Variants in TNKS observed in about 807,000 individuals in gnomAD.
The protein encoded by TNKS is tankyrase, also known as poly [ADP-ribose] polymerase tankyrase-1.
In TNKS, 72 loss-of-function variants were observed where a neutral mutation model predicts 135.8. That is an observed-to-expected ratio of 0.53 (90% CI 0.44 to 0.64). The LOEUF (loss-of-function observed/expected upper bound fraction) is 0.64, where lower values mean the gene tolerates loss of function less well. TNKS is among the 30% of genes least tolerant of loss of function. TNKS has a pLI of 0.00. For synonymous variants in TNKS, 849 were observed against 649.3 expected (o/e 1.31, Z -4.68); for missense variants, 1,769 against 1,674.0 (o/e 1.06, Z -0.99).
At chr8:9,611,168 G>T (rs977221139) in intron 2 of TNKS, among the ~76,000 whole-genome samples, 1 of 152,118 alleles carries the variant, frequency 6.6e-6, no homozygotes, top group Admixed American at 6.5e-5. Context: ...GTCTTACCTC[G>T]AAAGGAGATG....
intron 20 of TNKS, among the ~76,000 whole-genome samples, chr8:9,753,490 C>A (rs1370175620): frequency 6.6e-6 from 1 of 152,154 alleles, no homozygotes; most frequent in African/African-American, 2.4e-5. Flanking sequence ...ATGGAGTCAT[C>A]ATTAGGGCAT....
intron 2 of TNKS, among the ~76,000 whole-genome samples, chr8:9,599,211 G>T (rs951783656): frequency 6.6e-6 from 1 of 152,006 alleles, no homozygotes; most frequent in Non-Finnish European, 1.5e-5. Context: ...TGTTCCTAGG[G>T]CTATTATCAG....
intron 3 of TNKS, among the ~76,000 whole-genome samples, chr8:9,652,231 G>C (rs149682402): frequency 6.6e-6 from 1 of 152,138 alleles, no homozygotes; most frequent in Non-Finnish European, 1.5e-5. Flanking sequence ...TTGGAGTGAG[G>C]TTCTTCTCTG....
intron 2 of TNKS, among the ~76,000 whole-genome samples, chr8:9,600,471 G>C (rs982224736): frequency 6.6e-6 from 1 of 151,912 alleles, no homozygotes; most frequent in African/African-American, 2.4e-5. Context: ...ACACCATCAT[G>C]CTTAGCTAAT....
chr8:9,751,324 C>G (rs1225782939), intron 18 of TNKS, among the ~76,000 whole-genome samples: 1 of 152,068 alleles, frequency 6.6e-6, no homozygotes, highest in Non-Finnish European at 1.5e-5. Flanking sequence ...ATATAGTAAA[C>G]ACAGAAATTT....
intron 24 of TNKS, 27 bp downstream of exon 24, chr8:9,765,824 C>T (rs772143798): frequency 9.4e-6 from 15 of 1,590,092 alleles, no homozygotes; most frequent in Middle Eastern, 1.7e-4. Context: ...GGACGGTGGA[C>T]GTCTCCCTGG....
At chr8:9,744,787 C>G (rs1806151013) in intron 17 of TNKS, among the ~76,000 whole-genome samples, 2 of 152,128 alleles carry the variant, frequency 1.3e-5, no homozygotes, top group South Asian at 4.1e-4. Flanking sequence ...TATTTTTAGT[C>G]TATTTGGGTA....
intron 12 of TNKS, among the ~76,000 whole-genome samples, chr8:9,721,298 T>TATATATATATATATATATATA (rs1554477764): frequency 8.5e-6 from 1 of 118,154 alleles, no homozygotes; most frequent in African/African-American, 2.9e-5. Flanking sequence ...AATAAATAAA[T>TATATATATATATATATATATA]TATATATATA....
chr8:9,609,833 G>A (rs979162709), intron 2 of TNKS, among the ~76,000 whole-genome samples: 1 of 152,084 alleles, frequency 6.6e-6, no homozygotes, highest in African/African-American at 2.4e-5. Flanking sequence ...TATAGGGATA[G>A]CACTGGTTAC....
chr8:9,726,756 T>C, intron 13 of TNKS, 36 bp downstream of exon 13: 1 of 1,514,684 alleles, frequency 6.6e-7, no homozygotes, highest in South Asian at 1.2e-5. Flanking sequence ...AATAGCACTG[T>C]TGAACTTTGC....
At chr8:9,674,553 T>C (rs764345305) in intron 3 of TNKS, among the ~76,000 whole-genome samples, 8 of 152,348 alleles carry the variant, frequency 5.3e-5, no homozygotes, top group Non-Finnish European at 8.8e-5. Flanking sequence ...TTCTGGTGAA[T>C]GGTCTCTCTG....
Position 9,574,872 on chromosome 8 carries a change from C to T in TNKS, c.674-5287C>T, listed in dbSNP as rs371359826. ...AAAAAGTCAAGAGAGAAAGCTCCCC[C>T]GCGCCCCCCTTTACTCACTCTCCCT... On this transcript the variant is annotated intron_variant, in intron 1 of 26. Transcript: ENST00000310430. The T allele has an allele frequency of 1.5e-4, 28 of 185,660 alleles. No individual in the cohort carries two copies. The East Asian group carries it at 2.6e-3, about 17-fold the overall frequency. The allele number at this position is 185,660 out of a possible 1,614,324, so 11.5% of individuals were successfully genotyped here. A position where few individuals can be genotyped will look rare whatever the true frequency, so the allele number is the denominator to read the frequency against.
Position 9,556,197 on chromosome 8 carries a change from T to C in TNKS, c.258T>C (p.Gly86=). 1.2e-6 allele frequency: 2 copies of C among 1,614,018 alleles called. No individual in the cohort carries two copies. The highest frequency in any genetic ancestry group is 1.7e-6 in the Non-Finnish European group (2 of 1,180,000). ...DRPRSPDPVD[G]TSCCSTTSTI... ...CCCGATCCCCGGACCCGGTTGACGG[T>C]ACCAGCTGTTGCAGTACCACCAGCA... The change falls in exon 1 of 27, where the codon GGT becomes GGC. Residue 86 remains glycine (G), a synonymous_variant. Transcript: ENST00000310430.
In TNKS at chr8:9,672,713, A is replaced by ACACAC. The variant is rs1563158502; in HGVS notation, c.995-7238_995-7237insCACAC. ...ACACACACACACACACACACACACAAAAAAAAAAAAACAAACTAATATCCC... is the reference window on the plus strand; with the variant it reads ...ACACACACACACACACACACACACAACACACAAAAAAAAAAACAAACTAATATCCC... On this transcript the variant is annotated intron_variant, in intron 3 of 26. Coordinates refer to ENST00000310430, the MANE Select transcript of TNKS (RefSeq NM_003747.3). Among the ~76,000 whole-genome samples, 948 of 97,972 alleles carry ACACAC rather than the reference A, an allele frequency of 9.7e-3. 5 individuals are homozygous for ACACAC. The highest frequency in any genetic ancestry group is 0.02 in the African/African-American group (606 of 30,348). The allele number at this position is 97,972 out of a possible 152,430, so 64.3% of individuals were successfully genotyped here. A position where few individuals can be genotyped will look rare whatever the true frequency, so the allele number is the denominator to read the frequency against.
At chr8:9,664,718 A>G (rs960780108) in intron 3 of TNKS, among the ~76,000 whole-genome samples, 1 of 152,270 alleles carries the variant, frequency 6.6e-6, no homozygotes, top group Non-Finnish European at 1.5e-5. Context: ...GAAGATCAGA[A>G]AATAAAAAAC....
chr8:9,687,138 T>C (rs1021585030), intron 5 of TNKS, among the ~76,000 whole-genome samples: 2 of 152,178 alleles, frequency 1.3e-5, no homozygotes, highest in South Asian at 2.1e-4. Context: ...CTATGGCCTA[T>C]AGTGACCTTT....
At chr8:9,711,983 A>G (rs1347294740) in intron 11 of TNKS, among the ~76,000 whole-genome samples, 1 of 152,194 alleles carries the variant, frequency 6.6e-6, no homozygotes, top group Admixed American at 6.5e-5. Flanking sequence ...AGCACTTCCT[A>G]ATAACTTCGC....
At chr8:9,618,518 G>T (rs572741589) in intron 3 of TNKS, among the ~76,000 whole-genome samples, 51 of 152,174 alleles carry the variant, frequency 3.4e-4, no homozygotes, top group Non-Finnish European at 6.0e-4. Flanking sequence ...TTCTGCTAAT[G>T]ACTGAAGTTC....
chr8:9,735,086 T>C lies in TNKS; in HGVS notation c.2533+2T>C. 6.2e-7 allele frequency: 1 copy of C among 1,612,560 alleles called. No individual in the cohort carries two copies. Among genetic ancestry groups the C allele is most frequent in the Non-Finnish European group, 8.5e-7 (1 of 1,179,344 alleles). On this transcript the variant is annotated splice_donor_variant, in intron 16 of 26. Transcript: ENST00000310430. LOFTEE classifies it high-confidence loss of function. ...ATTCAACCCCTCTGCACCTGGCAGGTAAGCGCCCCCAGTGCCTCCAAGCCT... is the reference window on the plus strand; with the variant it reads ...ATTCAACCCCTCTGCACCTGGCAGGCAAGCGCCCCCAGTGCCTCCAAGCCT...
Sources: gnomAD v4.1 joint callset for allele counts (sites outside exome capture counted in the v4.1 genomes callset) on GRCh38, gnomAD v4.1.1 for gene constraint, MANE v1.5 for transcripts, NCBI Gene and HGNC (gene_info 2026-07-23, HGNC 2026-07-21) for gene names.